Variants in FAT3 observed in about 807,000 individuals in gnomAD.
FAT3 encodes the protein protocadherin Fat 3.
In FAT3, 95 loss-of-function variants were observed where a neutral mutation model predicts 310.2. The ratio of observed to expected loss-of-function variants is 0.31; its 90% confidence interval spans 0.26 to 0.36. The LOEUF (loss-of-function observed/expected upper bound fraction) is 0.36. FAT3 is among the 10% of genes least tolerant of loss of function. FAT3 has a pLI of 1.00. For missense variants in FAT3, 5,408 were observed against 5,715.6 expected (o/e 0.95, Z 1.74); for synonymous variants, 2,314 against 2,192.9 (o/e 1.06, Z -1.54).
Position 92,844,091 on chromosome 11 carries a change from C to T in FAT3, c.10724C>T (p.Ala3575Val). ...FPGGVIGKIHATDQDMYDVLT... is the reference protein window; with the variant it reads ...FPGGVIGKIHVTDQDMYDVLT... ...GGTGGGGTCATTGGGAAGATTCATG[C>T]CACAGATCAAGACATGTATGATGTG... Residue 3575 changes from alanine to valine, a missense_variant, in exon 19 of 28, where the codon GCC becomes GTC. Around this residue, in one of 5 missense-constraint regions of FAT3, gnomAD observed 4,588 missense variants for 4,809.8 expected, o/e 0.95. Transcript: ENST00000525166. 2 of 1,613,924 alleles carry T rather than the reference C, an allele frequency of 1.2e-6. No individual in the cohort carries two copies. The highest frequency in any genetic ancestry group is 1.7e-6 in the Non-Finnish European group (2 of 1,179,888).
chr11:92,740,535 C>T (rs1163008294), intron 4 of FAT3, among the ~76,000 whole-genome samples: 1 of 152,122 alleles, frequency 6.6e-6, no homozygotes, highest in African/African-American at 2.4e-5. Context: ...TTAAATGGAA[C>T]TTAAGCAGAT....
chr11:92,800,471 A>G lies in FAT3; in HGVS notation c.7458A>G (p.Val2486=), dbSNP rs2136186671. Residue 2486 remains valine, a synonymous_variant, in exon 10 of 28, where the codon GTA becomes GTG. Transcript: ENST00000525166. ...GCACTGCACAGGTGCATATTAGGGT[A>G]CTTGGGGCTAACTTGTACAGCCCTG... ...FTSTAQVHIR[V]LGANLYSPAF... 2.5e-6 allele frequency: 4 copies of G among 1,613,978 alleles called. No individual in the cohort carries two copies. Among genetic ancestry groups the G allele is most frequent in the African/African-American group, 2.7e-5 (2 of 75,052 alleles).
chr11:92,650,084 A>G (rs982110468), intron 3 of FAT3, among the ~76,000 whole-genome samples: 4 of 149,318 alleles, frequency 2.7e-5, no homozygotes, highest in African/African-American at 7.5e-5. Context: ...GAACTGATGA[A>G]TAGGTCTATA....
At chr11:92,577,361 A>G (rs1938537614) in intron 3 of FAT3, among the ~76,000 whole-genome samples, 1 of 151,652 alleles carries the variant, frequency 6.6e-6, no homozygotes, top group Admixed American at 6.6e-5. Context: ...CACCCACCTC[A>G]CCTCCCAAAG....
intron 4 of FAT3, among the ~76,000 whole-genome samples, chr11:92,728,089 T>G (rs1591654689): frequency 6.6e-6 from 1 of 152,254 alleles, no homozygotes; most frequent in East Asian, 1.9e-4. Context: ...GGTCTAGAGC[T>G]TCTCATCCCA....
At chr11:92,240,302 T>G (rs1292942761) in intron 1 of FAT3, among the ~76,000 whole-genome samples, 1 of 152,104 alleles carries the variant, frequency 6.6e-6, no homozygotes, top group Non-Finnish European at 1.5e-5. Context: ...ATTTTCCTTT[T>G]CTTCTCCTTT....
At chr11:92,663,355 T>C (rs1942849913) in intron 3 of FAT3, among the ~76,000 whole-genome samples, 1 of 152,126 alleles carries the variant, frequency 6.6e-6, no homozygotes, top group South Asian at 2.1e-4. Context: ...AAGATGAGTT[T>C]GCACCTGATA....
At chr11:92,508,929 A>G (rs1055939968) in intron 2 of FAT3, among the ~76,000 whole-genome samples, 2 of 152,148 alleles carry the variant, frequency 1.3e-5, no homozygotes, top group Non-Finnish European at 2.9e-5. Flanking sequence ...AAATCCCACA[A>G]CACTTTTCAA....
intron 2 of FAT3, among the ~76,000 whole-genome samples, chr11:92,437,374 C>T (rs1950962151): frequency 2.0e-5 from 3 of 152,092 alleles, no homozygotes; most frequent in South Asian, 2.1e-4. Context: ...GCAGAAGAGC[C>T]GAATTCAAAT....
intron 2 of FAT3, among the ~76,000 whole-genome samples, chr11:92,450,956 G>T (rs770054171): frequency 2.8e-4 from 42 of 152,092 alleles, no homozygotes; most frequent in Non-Finnish European, 5.3e-4. Context: ...ATCTTTACTG[G>T]TCAGGCTTGA....
chr11:92,701,717 T>C (rs1944102385), intron 4 of FAT3, among the ~76,000 whole-genome samples: 1 of 152,198 alleles, frequency 6.6e-6, no homozygotes, highest in South Asian at 2.1e-4. Flanking sequence ...GAGTTGATAA[T>C]GGACACGTAA....
intron 3 of FAT3, among the ~76,000 whole-genome samples, chr11:92,643,342 G>T (rs1026327741): frequency 2.6e-5 from 4 of 152,198 alleles, no homozygotes; most frequent in African/African-American, 7.2e-5. Flanking sequence ...GCAGTGAGCT[G>T]CCCTGACACC....
intron 2 of FAT3, among the ~76,000 whole-genome samples, chr11:92,439,781 G>A (rs778491481): frequency 1.7e-4 from 26 of 151,954 alleles, no homozygotes; most frequent in Non-Finnish European, 2.9e-4. Flanking sequence ...AATTAGCCAG[G>A]CGTTTGTGCC....
At chr11:92,720,984 T>A (rs948012636) in intron 4 of FAT3, among the ~76,000 whole-genome samples, 1 of 152,228 alleles carries the variant, frequency 6.6e-6, no homozygotes, top group Non-Finnish European at 1.5e-5. Context: ...ATGTGCAGGA[T>A]GTTACATAGG....
At chr11:92,371,759 T>C (rs79733676) in intron 2 of FAT3, among the ~76,000 whole-genome samples, 3,823 of 152,166 alleles carry the variant, frequency 0.025, 178 homozygotes, top group African/African-American at 0.088. Flanking sequence ...CCCAAAGAGC[T>C]CTCATCACTT....
chr11:92,283,739 TC>T (rs1183257617), intron 1 of FAT3, among the ~76,000 whole-genome samples: 2 of 152,268 alleles, frequency 1.3e-5, no homozygotes, highest in Admixed American at 6.5e-5. Context: ...TAAAGTGAGA[TC>T]CACAGGGTGA....
intron 2 of FAT3, among the ~76,000 whole-genome samples, chr11:92,362,531 C>CTAGAA (rs1419633230): frequency 6.6e-6 from 1 of 152,190 alleles, no homozygotes; most frequent in East Asian, 1.9e-4. Context: ...CCCTTTGACT[C>CTAGAA]TTTCTACACT....
rs1188349977 is a variant in FAT3 at position 92,667,014 on chromosome 11, G to A, written c.3608-30370G>A. On this transcript the variant is annotated intron_variant, in intron 3 of 27. Coordinates refer to ENST00000525166, the MANE Select transcript of FAT3 (RefSeq NM_001367949.2). The stretch of plus-strand genomic sequence containing the variant: ...AAGTCTAGTCCAGCTTTGTTTCCAG[G>A]AAGAAGCGGAAACCAGCTACACCGA... 4.6e-5 allele frequency among the ~76,000 whole-genome samples: 7 copies of A among 152,056 alleles called. 1 individual carries two copies. Among genetic ancestry groups the A allele is most frequent in the Admixed American group, 1.3e-4 (2 of 15,284 alleles).
chr11:92,504,312 A>C (rs1450199946), intron 2 of FAT3, among the ~76,000 whole-genome samples: 1 of 152,060 alleles, frequency 6.6e-6, no homozygotes, highest in East Asian at 1.9e-4. Context: ...TCTTTTTTTC[A>C]ATGGTTCCTA....
Sources: allele counts gnomAD v4.1 joint callset (sites outside exome capture counted in the v4.1 genomes callset), GRCh38; gene constraint gnomAD v4.1.1; regional missense constraint gnomAD v4.1.1; transcripts MANE v1.5; gene names NCBI Gene and HGNC (gene_info 2026-07-23, HGNC 2026-07-21).